Variants in C12orf42 observed in about 807,000 individuals in gnomAD.
The protein encoded by C12orf42 is uncharacterized protein C12orf42.
A neutral mutation model predicts 21.6 loss-of-function variants in C12orf42; 25 were observed. The ratio of observed to expected loss-of-function variants is 1.16; its 90% CI spans 0.84 to 1.62. C12orf42 has a LOEUF of 1.62. C12orf42 is among the 40% of genes most tolerant of loss of function. The pLI is 0.00. For missense variants in C12orf42, 483 were observed against 459.3 expected (o/e 1.05, Z -0.47); for synonymous variants, 174 against 175.0 (o/e 0.99, Z 0.05).
the C12orf42 span, among the ~76,000 whole-genome samples, chr12:103,169,723 T>C: frequency 2.6e-5 from 4 of 152,114 alleles, no homozygotes; most frequent in Admixed American, 1.3e-4. Context: ...AGATAGGATA[T>C]ATCATTAAAA....
At chr12:103,523,660 G>T in the C12orf42 span, among the ~76,000 whole-genome samples, 1 of 149,820 alleles carries the variant, frequency 6.7e-6, no homozygotes, top group African/African-American at 2.5e-5. Context: ...ATAGACACTC[G>T]GTGTTTAGAA....
downstream of C12orf42, among the ~76,000 whole-genome samples, chr12:103,300,349 A>G (rs944544400): frequency 7.2e-5 from 11 of 152,122 alleles, no homozygotes; most frequent in Admixed American, 3.9e-4. Context: ...TATCTCTCAG[A>G]CATATTTATC....
chr12:103,059,038 G>T, the C12orf42 span, among the ~76,000 whole-genome samples: 1 of 152,072 alleles, frequency 6.6e-6, no homozygotes, highest in African/African-American at 2.4e-5. Flanking sequence ...GAGTCCAGGA[G>T]CTTGTTCTTT....
the C12orf42 span, among the ~76,000 whole-genome samples, chr12:103,143,524 G>A: frequency 6.6e-5 from 10 of 152,206 alleles, no homozygotes; most frequent in Admixed American, 3.9e-4. Flanking sequence ...CTCCTCTACT[G>A]TGGGTGTCAG....
intron 2 of C12orf42, among the ~76,000 whole-genome samples, chr12:103,430,340 C>T (rs527935023): frequency 1.8e-4 from 27 of 152,168 alleles, no homozygotes; most frequent in Non-Finnish European, 3.1e-4. Flanking sequence ...GACATCTATG[C>T]GGCCAACAAT....
At chr12:103,395,906 T>G (rs2047489150) in intron 3 of C12orf42, among the ~76,000 whole-genome samples, 1 of 148,876 alleles carries the variant, frequency 6.7e-6, no homozygotes, top group African/African-American at 2.4e-5. Flanking sequence ...TAATAATATA[T>G]ACTACAAATG....
chr12:103,120,311 G>A, the C12orf42 span, among the ~76,000 whole-genome samples: 1 of 152,188 alleles, frequency 6.6e-6, no homozygotes, highest in Admixed American at 6.5e-5. Flanking sequence ...CTGCATGTGA[G>A]CATTGTGGAA....
chr12:103,485,700 T>G (rs1468148268), intron 1 of C12orf42, among the ~76,000 whole-genome samples: 1 of 152,240 alleles, frequency 6.6e-6, no homozygotes, highest in East Asian at 1.9e-4. Context: ...CCCTTGTAAG[T>G]TGTATTCCTA....
chr12:103,140,742 G>A, the C12orf42 span, among the ~76,000 whole-genome samples: 1 of 152,030 alleles, frequency 6.6e-6, no homozygotes, highest in Non-Finnish European at 1.5e-5. Flanking sequence ...TAAAAAAATG[G>A]CACCAATAAA....
At chr12:103,495,137 G>T (rs1462580459) in intron 1 of C12orf42, among the ~76,000 whole-genome samples, 1 of 151,878 alleles carries the variant, frequency 6.6e-6, no homozygotes, top group Admixed American at 6.6e-5. Context: ...AGCAGATGTG[G>T]GCAGGGGCTG....
At chr12:103,190,194 C>A in the C12orf42 span, among the ~76,000 whole-genome samples, 1 of 152,130 alleles carries the variant, frequency 6.6e-6, no homozygotes, top group Non-Finnish European at 1.5e-5. Context: ...TCTGGGCAAC[C>A]CCTGGAGTCT....
chr12:103,129,525 C>T, the C12orf42 span, among the ~76,000 whole-genome samples: 2 of 152,142 alleles, frequency 1.3e-5, no homozygotes, highest in Non-Finnish European at 2.9e-5. Flanking sequence ...GTCAGATAAC[C>T]AACGTATTAC....
chr12:103,206,431 T>C, the C12orf42 span, among the ~76,000 whole-genome samples: 1 of 152,146 alleles, frequency 6.6e-6, no homozygotes, highest in African/African-American at 2.4e-5. Flanking sequence ...TTGGGGCTCC[T>C]GGAATATTGG....
At chr12:103,313,806 C>A (rs550797743) in intron 4 of C12orf42, among the ~76,000 whole-genome samples, 1 of 152,146 alleles carries the variant, frequency 6.6e-6, no homozygotes, top group Non-Finnish European at 1.5e-5. Flanking sequence ...CAGTGTTTGC[C>A]TCAGCTTATA....
At chr12:103,380,809 T>A (rs1000523635) in intron 3 of C12orf42, among the ~76,000 whole-genome samples, 1 of 152,238 alleles carries the variant, frequency 6.6e-6, no homozygotes, top group Non-Finnish European at 1.5e-5. Flanking sequence ...ACATTTTTAA[T>A]TCATCAAATC....
Position 103,394,718 on chromosome 12 carries a change from T to A in C12orf42, c.147+6889A>T, listed in dbSNP as rs138884215. 1.5e-4 allele frequency among the ~76,000 whole-genome samples: 23 copies of A among 152,278 alleles called. No homozygotes were observed. In the East Asian group the frequency reaches 3.9e-3, roughly 26 times the overall value. The stretch of plus-strand genomic sequence containing the variant: ...GCAAGCACTGGAGGGGTGGCTTTAG[T>A]GGGCAGCTTATTGGGAAGTACAGAT... On this transcript the variant is annotated intron_variant, in intron 3 of 5. Coordinates refer to ENST00000548883, the MANE Select transcript of C12orf42 (RefSeq NM_198521.5).
the C12orf42 span, among the ~76,000 whole-genome samples, chr12:103,531,821 C>G: frequency 5.3e-5 from 8 of 152,274 alleles, no homozygotes; most frequent in Non-Finnish European, 1.0e-4. Context: ...CAAATCCCTT[C>G]TAAAAGGGCA....
chr12:103,504,628 G>A, the C12orf42 span: 4 of 67,630 alleles, frequency 5.9e-5, no homozygotes, highest in African/African-American at 1.4e-4. Context: ...TCAGAAGTTG[G>A]AGGACATGCT....
intron 2 of C12orf42, among the ~76,000 whole-genome samples, chr12:103,445,449 T>C (rs779494151): frequency 6.6e-6 from 1 of 152,062 alleles, no homozygotes; most frequent in Non-Finnish European, 1.5e-5. Flanking sequence ...TTTTGGGTTT[T>C]TGGGGGGTTT....
Sources: allele counts gnomAD v4.1 joint callset (sites outside exome capture counted in the v4.1 genomes callset), GRCh38; gene constraint gnomAD v4.1.1; transcripts MANE v1.5; gene names NCBI Gene and HGNC (gene_info 2026-07-23, HGNC 2026-07-21).